CRACD: variants seen among roughly 807,000 people sequenced by gnomAD.
The protein encoded by CRACD is capping protein-inhibiting regulator of actin dynamics.
In CRACD, 56 loss-of-function variants were observed where a neutral mutation model predicts 106.8. That is an observed-to-expected ratio of 0.52 (90% CI 0.42 to 0.66). The LOEUF (loss-of-function observed/expected upper bound fraction) is 0.66. Among genes scored for constraint, CRACD ranks in the 30% least tolerant of loss-of-function variants. The pLI is 0.00. For missense variants in CRACD, 1,730 were observed against 1,623.2 expected (o/e 1.07, Z -1.13); for synonymous variants, 754 against 670.8 (o/e 1.12, Z -1.92).
chr4:56,273,670 G>A (rs1430532789), intron 3 of CRACD, among the ~76,000 whole-genome samples: 1 of 152,134 alleles, frequency 6.6e-6, no homozygotes, highest in African/African-American at 2.4e-5. Flanking sequence ...GTAGCATTGT[G>A]TGCCTGGTTT....
intron 2 of CRACD, among the ~76,000 whole-genome samples, chr4:56,192,826 T>G (rs1737438432): frequency 6.6e-6 from 1 of 152,200 alleles, no homozygotes; most frequent in Non-Finnish European, 1.5e-5. Context: ...GAAAGATCTT[T>G]GAAATTCCAC....
intron 2 of CRACD, among the ~76,000 whole-genome samples, chr4:56,233,147 C>T (rs1402341501): frequency 3.3e-5 from 5 of 151,950 alleles, no homozygotes; most frequent in South Asian, 2.1e-4. Flanking sequence ...TATTAAGTTG[C>T]GTTAGTTTTA....
intron 1 of CRACD, among the ~76,000 whole-genome samples, chr4:56,088,453 A>G (rs1733306303): frequency 6.6e-6 from 1 of 151,596 alleles, no homozygotes; most frequent in Non-Finnish European, 1.5e-5. Flanking sequence ...CTCCTGCCTC[A>G]GCCTCCCAAG....
At chr4:56,150,574 A>G (rs910052090) in intron 1 of CRACD, among the ~76,000 whole-genome samples, 2 of 152,060 alleles carry the variant, frequency 1.3e-5, no homozygotes, top group East Asian at 3.8e-4. Flanking sequence ...CCCACCACCT[A>G]CTGTCTTGAC....
intron 4 of CRACD, among the ~76,000 whole-genome samples, chr4:56,300,887 A>G (rs988815227): frequency 1.3e-5 from 2 of 152,254 alleles, no homozygotes; most frequent in Non-Finnish European, 2.9e-5. Flanking sequence ...AAATAACCTG[A>G]TGTCATAATT....
intron 2 of CRACD, among the ~76,000 whole-genome samples, chr4:56,183,530 A>T (rs1229114704): frequency 6.6e-6 from 1 of 152,166 alleles, no homozygotes; most frequent in Non-Finnish European, 1.5e-5. Context: ...GTGTAGAGGG[A>T]CATCCTGAGT....
intron 2 of CRACD, among the ~76,000 whole-genome samples, chr4:56,242,394 ATAGAG>A (rs1740416789): frequency 6.6e-6 from 1 of 152,168 alleles, no homozygotes; most frequent in African/African-American, 2.4e-5. Context: ...TTTCACGATA[ATAGAG>A]TAAAGCTATT....
At chr4:56,268,700 C>T (rs1742173357) in intron 2 of CRACD, among the ~76,000 whole-genome samples, 1 of 152,086 alleles carries the variant, frequency 6.6e-6, no homozygotes, top group Admixed American at 6.5e-5. Context: ...CAGTCATTGC[C>T]AAAGATCAGT....
intron 6 of CRACD, 64 bp downstream of exon 6, chr4:56,310,798 C>CCCCT: frequency 1.2e-6 from 1 of 804,144 alleles, no homozygotes; most frequent in South Asian, 1.7e-5. Flanking sequence ...TTCCCCCCCC[C>CCCCT]TTTTTTTTTT....
chr4:56,322,381 C>G (rs1400728926), intron 8 of CRACD, among the ~76,000 whole-genome samples: 2 of 152,182 alleles, frequency 1.3e-5, no homozygotes, highest in African/African-American at 2.4e-5. Flanking sequence ...AATTTTAGAG[C>G]CTAGTACTCA....
rs936438164 is a variant in CRACD, at chr4:56,328,728, A to C, written c.*924A>C. The C allele has an allele frequency of 4.4e-5, 7 of 157,992 alleles. No individual in the cohort carries two copies. The highest frequency in any genetic ancestry group is 1.7e-4 in the African/African-American group (7 of 41,580). 9.8% of individuals were successfully genotyped at this position (157,992 alleles called of 1,614,324 possible). On this transcript the variant is annotated 3_prime_UTR_variant, in exon 11 of 11. Transcript: ENST00000682029. The stretch of plus-strand genomic sequence containing the variant: ...CAGTTCTGATAGATCCCAAAGGTTA[A>C]GAACTGTGAGAAACACTGATCCTAA...
intron 8 of CRACD, 150 bp downstream of exon 8, chr4:56,316,839 C>T: frequency 2.1e-6 from 2 of 964,204 alleles, no homozygotes; most frequent in Non-Finnish European, 3.0e-6. Flanking sequence ...CAGAACAAAA[C>T]CGTGGGGCGC....
intron 1 of CRACD, among the ~76,000 whole-genome samples, chr4:56,131,772 C>G (rs918993465): frequency 5.3e-5 from 8 of 152,048 alleles, no homozygotes; most frequent in Non-Finnish European, 2.9e-5. Context: ...AAAGCCTTCC[C>G]CCTAAGTTAA....
At chr4:56,284,762 C>T (rs534900197) in intron 3 of CRACD, among the ~76,000 whole-genome samples, 2 of 152,138 alleles carry the variant, frequency 1.3e-5, no homozygotes, top group East Asian at 3.9e-4. Flanking sequence ...ACATCTGTGT[C>T]GTACTTTACA....
chr4:56,137,869 CAAACA>C (rs1560461568), intron 1 of CRACD, among the ~76,000 whole-genome samples: 2 of 152,128 alleles, frequency 1.3e-5, no homozygotes, highest in Non-Finnish European at 2.9e-5. Context: ...AACAAGCAAA[CAAACA>C]AAAGAGAATG....
In CRACD at chr4:56,207,987, A is replaced by AT. The variant is rs1191794918; in HGVS notation, c.-189+28571dup. Among the ~76,000 whole-genome samples the AT allele has an allele frequency of 8.3e-3, 1,154 of 138,754 alleles. 8 individuals are homozygous for AT. Among genetic ancestry groups the AT allele is most frequent in the African/African-American group, 0.025 (954 of 37,902 alleles). 91.0% of individuals were successfully genotyped at this position (138,754 alleles called of 152,430 possible). ...CAGACACACCATGCCTGGTTAATTA[A>AT]TTTTTTTTTTTTTTAGAGATGAGGG... On this transcript the variant is annotated intron_variant, in intron 2 of 10. Coordinates refer to ENST00000682029, the MANE Select transcript of CRACD (RefSeq NM_001393381.1).
chr4:56,242,814 T>C (rs1317915928), intron 2 of CRACD, among the ~76,000 whole-genome samples: 2 of 152,032 alleles, frequency 1.3e-5, no homozygotes, highest in Admixed American at 1.3e-4. Flanking sequence ...ACCACCAGGC[T>C]CTGAGATAGC....
intron 1 of CRACD, among the ~76,000 whole-genome samples, chr4:56,056,597 C>A (rs75249722): frequency 1.8e-3 from 159 of 89,722 alleles, no homozygotes; most frequent in African/African-American, 5.9e-3. Context: ...AAAAAAAAAA[C>A]CAAAAAAAAA....
intron 2 of CRACD, among the ~76,000 whole-genome samples, chr4:56,188,903 A>C (rs1737224998): frequency 6.6e-6 from 1 of 152,000 alleles, no homozygotes; most frequent in Non-Finnish European, 1.5e-5. Flanking sequence ...TGGGTGCGGT[A>C]GCTCACGCCT....
Sources: allele counts gnomAD v4.1 joint callset (sites outside exome capture counted in the v4.1 genomes callset), GRCh38; gene constraint gnomAD v4.1.1; transcripts MANE v1.5; gene names NCBI Gene and HGNC (gene_info 2026-07-23, HGNC 2026-07-21).